AGMO: variants seen among roughly 807,000 people sequenced by gnomAD.
AGMO encodes the protein alkylglycerol monooxygenase.
In AGMO, 75 loss-of-function variants were observed where a neutral mutation model predicts 60.2. That is an observed-to-expected ratio of 1.25 (90% CI 1.03 to 1.51). The LOEUF (loss-of-function observed/expected upper bound fraction) is 1.51, where lower values mean the gene tolerates loss of function less well. AGMO is among the 40% of genes most tolerant of loss of function. The pLI is 0.00. For missense variants in AGMO, 763 were observed against 525.5 expected, an observed-to-expected ratio of 1.45 and a Z score of -4.42; for synonymous variants, 261 against 177.1, an observed-to-expected ratio of 1.47 and a Z score of -3.76.
intron 3 of AGMO, among the ~76,000 whole-genome samples, chr7:15,448,857 G>T (rs549582784): frequency 1.1e-4 from 16 of 151,722 alleles, no homozygotes; most frequent in African/African-American, 3.9e-4. Context: ...TAGAGATCTG[G>T]GCAGGTACCT....
rs191145364 is a variant in AGMO at position 15,208,010 on chromosome 7, C to A, written c.1264-6651G>T. 8.6e-5 allele frequency among the ~76,000 whole-genome samples: 13 copies of A among 151,986 alleles called. No homozygotes were observed. The East Asian group carries it at 2.3e-3, about 27-fold the overall frequency. ...TACCACAACTAACACACAGAGAAAA[C>A]TTAGAGACAACCAAACTTGATTATG... is the stretch of plus-strand genomic sequence containing the variant. On this transcript the variant is annotated intron_variant, in intron 12 of 12. Coordinates refer to ENST00000342526, the MANE Select transcript of AGMO (RefSeq NM_001004320.2).
chr7:15,541,619 G>C (rs1006790508), intron 3 of AGMO, among the ~76,000 whole-genome samples: 2 of 152,030 alleles, frequency 1.3e-5, no homozygotes, highest in East Asian at 3.8e-4. Flanking sequence ...TATATAAAGA[G>C]CATACAGAAC....
At chr7:15,133,728 G>C in the AGMO span, among the ~76,000 whole-genome samples, 30 of 152,078 alleles carry the variant, frequency 2.0e-4, no homozygotes, top group African/African-American at 7.0e-4. Flanking sequence ...ATTAGTAACT[G>C]TTTTGCCTTT....
chr7:15,500,662 T>C (rs916647348), intron 3 of AGMO, among the ~76,000 whole-genome samples: 3 of 151,960 alleles, frequency 2.0e-5, no homozygotes, highest in Non-Finnish European at 4.4e-5. Context: ...CCATCTTTTG[T>C]ATGGTTTTCC....
chr7:15,474,463 A>G (rs1051260285), intron 3 of AGMO, among the ~76,000 whole-genome samples: 1 of 152,176 alleles, frequency 6.6e-6, no homozygotes, highest in African/African-American at 2.4e-5. Context: ...TCCCTATTTA[A>G]TAACTGGTGT....
intron 4 of AGMO, among the ~76,000 whole-genome samples, chr7:15,428,920 A>G (rs1269860562): frequency 2.6e-5 from 4 of 152,098 alleles, no homozygotes; most frequent in African/African-American, 4.8e-5. Context: ...CCATATATCC[A>G]GCCTATATAT....
chr7:15,393,174 G>A (rs1016968096), intron 6 of AGMO, among the ~76,000 whole-genome samples: 1 of 152,172 alleles, frequency 6.6e-6, no homozygotes, highest in African/African-American at 2.4e-5. Flanking sequence ...AACCGCCTGT[G>A]CCCTCTGATC....
intron 12 of AGMO, among the ~76,000 whole-genome samples, chr7:15,285,588 G>T (rs530943823): frequency 1.3e-5 from 2 of 152,090 alleles, no homozygotes; most frequent in African/African-American, 4.8e-5. Context: ...CAAACAAATG[G>T]AAACATATCC....
intron 11 of AGMO, 23 bp from the exon 12 acceptor site, chr7:15,365,642 T>A: frequency 6.6e-7 from 1 of 1,517,554 alleles, no homozygotes; most frequent in Non-Finnish European, 9.1e-7. Context: ...GTCATTAACA[T>A]GCATTAGCTT....
rs1167309561 is a variant in AGMO at position 15,200,319 on chromosome 7, C to T, written c.*966G>A. On this transcript the variant is annotated 3_prime_UTR_variant, in exon 13 of 13. Coordinates refer to ENST00000342526, the MANE Select transcript of AGMO (RefSeq NM_001004320.2). ...CCCAATGAACAATGTACACACAACACCTTGGGTAATTTTATTTAGAGAATT... is the reference window on the plus strand; with the variant it reads ...CCCAATGAACAATGTACACACAACATCTTGGGTAATTTTATTTAGAGAATT... The T allele has an allele frequency of 3.3e-5, 5 of 152,112 alleles. No individual in the cohort carries two copies. Among genetic ancestry groups the T allele is most frequent in the Non-Finnish European group, 7.3e-5 (5 of 68,032 alleles). The allele number at this position is 152,112 out of a possible 1,614,324, so 9.4% of individuals were successfully genotyped here.
At chr7:15,214,403 G>C (rs1239024484) in intron 12 of AGMO, among the ~76,000 whole-genome samples, 1 of 151,984 alleles carries the variant, frequency 6.6e-6, no homozygotes, top group Non-Finnish European at 1.5e-5. Flanking sequence ...TGCAGCAAAA[G>C]TTATGCAGAG....
At chr7:15,134,935 A>T in the AGMO span, among the ~76,000 whole-genome samples, 3 of 152,120 alleles carry the variant, frequency 2.0e-5, no homozygotes, top group Non-Finnish European at 4.4e-5. Flanking sequence ...TGACGTTCAC[A>T]TATTTTCAGT....
At chr7:15,328,883 T>G (rs1179454707) in intron 12 of AGMO, among the ~76,000 whole-genome samples, 1 of 152,126 alleles carries the variant, frequency 6.6e-6, no homozygotes, top group Non-Finnish European at 1.5e-5. Context: ...GATTTTCCAT[T>G]TCTTTCCTGA....
intron 3 of AGMO, among the ~76,000 whole-genome samples, chr7:15,517,578 C>A (rs1783855845): frequency 6.6e-6 from 1 of 151,582 alleles, no homozygotes. Flanking sequence ...GAACTCCTTC[C>A]CCTAGCCAAG....
chr7:15,390,605 TTTCTC>T (rs1784097858), intron 8 of AGMO, 61 bp downstream of exon 8: 2 of 1,292,650 alleles, frequency 1.5e-6, no homozygotes, highest in Admixed American at 4.5e-5. Context: ...ACAGCTGATT[TTTCTC>T]TTAACTATAA....
chr7:15,505,684 A>C (rs1424492316), intron 3 of AGMO, among the ~76,000 whole-genome samples: 1 of 152,050 alleles, frequency 6.6e-6, no homozygotes, highest in Non-Finnish European at 1.5e-5. Context: ...TTCTGAAAAA[A>C]ACAAACTAAT....
At chr7:15,438,671 T>C (rs1781464815) in intron 3 of AGMO, among the ~76,000 whole-genome samples, 1 of 152,138 alleles carries the variant, frequency 6.6e-6, no homozygotes, top group South Asian at 2.1e-4. Flanking sequence ...GACGAATATT[T>C]AGCAGAGGAC....
intron 5 of AGMO, among the ~76,000 whole-genome samples, chr7:15,394,474 A>G (rs1375675331): frequency 6.6e-6 from 1 of 152,174 alleles, no homozygotes; most frequent in African/African-American, 2.4e-5. Context: ...TGGGGAAACG[A>G]CTAGGTTTTC....
At chr7:15,497,459 T>C (rs1364827670) in intron 3 of AGMO, among the ~76,000 whole-genome samples, 1 of 152,154 alleles carries the variant, frequency 6.6e-6, no homozygotes, top group Non-Finnish European at 1.5e-5. Flanking sequence ...TATGGAATTC[T>C]ATAAATGGAG....
Sources: gnomAD v4.1 joint callset for allele counts (sites outside exome capture counted in the v4.1 genomes callset) on GRCh38, gnomAD v4.1.1 for gene constraint, MANE v1.5 for transcripts, NCBI Gene and HGNC (gene_info 2026-07-23, HGNC 2026-07-21) for gene names.